Variants in ZCCHC14 observed in about 807,000 individuals in gnomAD.
ZCCHC14 encodes zinc finger CCHC-type containing 14.
A neutral mutation model predicts 85.0 loss-of-function variants in ZCCHC14; 16 were observed. The observed-to-expected ratio is 0.19, with a 90% CI of 0.13 to 0.29. The LOEUF (loss-of-function observed/expected upper bound fraction) is 0.29. Ranked by LOEUF, ZCCHC14 falls within the 10% of genes least tolerant of loss-of-function variation. The pLI is 1.00. For synonymous variants in ZCCHC14, 775 were observed against 630.7 expected (o/e 1.23, Z -3.43); for missense variants, 1,303 against 1,443.5 (o/e 0.90, Z 1.58).
At chr16:87,449,418 T>C (rs1186846699) in intron 2 of ZCCHC14, among the ~76,000 whole-genome samples, 2 of 152,034 alleles carry the variant, frequency 1.3e-5, no homozygotes, top group East Asian at 3.9e-4. Flanking sequence ...CCTGGGCTCC[T>C]AGGCCCTCCA....
At chr16:87,453,317 T>G (rs2150753171) in intron 2 of ZCCHC14, among the ~76,000 whole-genome samples, 1 of 152,308 alleles carries the variant, frequency 6.6e-6, no homozygotes, top group East Asian at 1.9e-4. Flanking sequence ...GAAAAAAATG[T>G]ATTTACAGAA....
chr16:87,429,850 G>A (rs1447896576), intron 3 of ZCCHC14, among the ~76,000 whole-genome samples: 4 of 152,162 alleles, frequency 2.6e-5, no homozygotes, highest in African/African-American at 7.2e-5. Context: ...CAGGTGATCC[G>A]TCCGCCTTGG....
intron 1 of ZCCHC14, among the ~76,000 whole-genome samples, chr16:87,482,830 A>G (rs1466082580): frequency 6.6e-6 from 1 of 152,196 alleles, no homozygotes; most frequent in Non-Finnish European, 1.5e-5. Flanking sequence ...TCAATTCCAG[A>G]TGGATCCGTT....
intron 8 of ZCCHC14, among the ~76,000 whole-genome samples, chr16:87,416,540 G>A (rs190441182): frequency 2.6e-5 from 4 of 152,036 alleles, no homozygotes; most frequent in Admixed American, 2.6e-4. Context: ...GGCAGATCAT[G>A]AGTCAGGAGT....
At chr16:87,444,497 G>C (rs1210148585) in intron 2 of ZCCHC14, among the ~76,000 whole-genome samples, 1 of 152,200 alleles carries the variant, frequency 6.6e-6, no homozygotes, top group Non-Finnish European at 1.5e-5. Flanking sequence ...TATCTAGTTA[G>C]AAAGTAATTT....
At chr16:87,486,878 C>A (rs1597457860) in intron 1 of ZCCHC14, among the ~76,000 whole-genome samples, 1 of 152,312 alleles carries the variant, frequency 6.6e-6, no homozygotes, top group South Asian at 2.1e-4. Flanking sequence ...ACAGCTATTC[C>A]TTTAACCATC....
chr16:87,483,304 CAAAAAAAAAAAAAAAAAAAAAAAA>C (rs56708958), intron 1 of ZCCHC14, among the ~76,000 whole-genome samples: 1 of 43,666 alleles, frequency 2.3e-5, no homozygotes, highest in Non-Finnish European at 4.3e-5. Flanking sequence ...CTAAAAATAC[CAAAAAAAAAAAAAAAAAAAAAAAA>C]AAAAAAAAAA....
At chr16:87,485,590 C>CAAAAAAA (rs35083614) in intron 1 of ZCCHC14, among the ~76,000 whole-genome samples, 2 of 98,654 alleles carry the variant, frequency 2.0e-5, no homozygotes, top group African/African-American at 6.3e-5. Flanking sequence ...GGCAGTTTTC[C>CAAAAAAA]AAAAAAAAAA....
intron 2 of ZCCHC14, among the ~76,000 whole-genome samples, chr16:87,454,014 G>C (rs1390281481): frequency 1.3e-5 from 2 of 152,100 alleles, no homozygotes; most frequent in African/African-American, 4.8e-5. Flanking sequence ...TACAATATCT[G>C]GTATGAAAAC....
rs1187103672 is a variant in ZCCHC14 at position 87,420,142 on chromosome 16, C to T, written c.951-265G>A. Among the ~76,000 whole-genome samples the T allele has an allele frequency of 6.6e-6, 1 of 152,186 alleles. No homozygotes were observed. Among genetic ancestry groups the T allele is most frequent in the Non-Finnish European group, 1.5e-5 (1 of 68,038 alleles). ...ATGCCCTGTGACATGAGATCAGTGC[C>T]ACCCACCAGCCAGAAAGGTGCTTGG... On this transcript the variant is annotated intron_variant, in intron 5 of 12. Coordinates refer to ENST00000671377, the MANE Select transcript of ZCCHC14 (RefSeq NM_015144.3). This position sits in a 1 kb window ranked among gnomAD's most constrained non-coding sequence, Gnocchi z 5.0.
rs1182338043 is a variant in ZCCHC14, at chr16:87,407,627, T to G, written c.*2653A>C. On this transcript the variant is annotated 3_prime_UTR_variant, in exon 13 of 13. Coordinates refer to ENST00000671377, the MANE Select transcript of ZCCHC14 (RefSeq NM_015144.3). ...AAACAGGGTTAGAAACTTTAATATC[T>G]GACAGACTACAAAGGGCAAAGACGT... 2 of 152,246 alleles carry G rather than the reference T, an allele frequency of 1.3e-5. No individual in the cohort carries two copies. Among genetic ancestry groups the G allele is most frequent in the African/African-American group, 4.8e-5 (2 of 41,466 alleles). The allele number at this position is 152,246 out of a possible 1,614,324, so 9.4% of individuals were successfully genotyped here. A position where few individuals can be genotyped will look rare whatever the true frequency, so the allele number is the denominator to read the frequency against.
chr16:87,471,123 T>G (rs1839845115), intron 1 of ZCCHC14: 1 of 152,114 alleles, frequency 6.6e-6, no homozygotes, highest in Non-Finnish European at 1.5e-5. Context: ...ACAGTAAACA[T>G]GACTATGAAA....
At chr16:87,430,336 G>A (rs978566644) in intron 3 of ZCCHC14, among the ~76,000 whole-genome samples, 2 of 152,244 alleles carry the variant, frequency 1.3e-5, no homozygotes, top group African/African-American at 4.8e-5. Context: ...CGGCCTGTGC[G>A]TGTGAGTCTG....
At chr16:87,410,423 T>C (rs1413258915) in intron 12 of ZCCHC14, 88 bp from the exon 13 acceptor site, 3 of 615,846 alleles carry the variant, frequency 4.9e-6, no homozygotes, top group African/African-American at 3.8e-5. Context: ...CCAGAGCCAC[T>C]GGGCAAGATT....
Position 87,446,270 on chromosome 16 carries a change from G to A in ZCCHC14, c.695-13069C>T, listed in dbSNP as rs553663966. 2.0e-5 allele frequency among the ~76,000 whole-genome samples: 3 copies of A among 152,206 alleles called. No homozygotes were observed. The South Asian group carries it at 6.2e-4, about 32-fold the overall frequency. ...AGACCAAGGTGGGTGGATCACTTGAGGTCAGAAATTTGAGACCAGCCTGGC... is the reference window on the plus strand; with the variant it reads ...AGACCAAGGTGGGTGGATCACTTGAAGTCAGAAATTTGAGACCAGCCTGGC... On this transcript the variant is annotated intron_variant, in intron 2 of 12. Coordinates refer to ENST00000671377, the MANE Select transcript of ZCCHC14 (RefSeq NM_015144.3).
chr16:87,468,016 C>T (rs531829026), intron 1 of ZCCHC14, among the ~76,000 whole-genome samples: 4 of 152,252 alleles, frequency 2.6e-5, no homozygotes, highest in South Asian at 4.1e-4. Flanking sequence ...GGATTACAAG[C>T]GTGAGCCACC....
chr16:87,431,796 C>G (rs1003977509), intron 3 of ZCCHC14, among the ~76,000 whole-genome samples: 2 of 152,156 alleles, frequency 1.3e-5, no homozygotes, highest in Admixed American at 1.3e-4. Context: ...TACCTAGGAT[C>G]ACTGGGACCG....
intron 1 of ZCCHC14, among the ~76,000 whole-genome samples, chr16:87,483,672 C>A (rs112689169): frequency 1.3e-5 from 2 of 152,288 alleles, no homozygotes; most frequent in African/African-American, 4.8e-5. Context: ...ATGGCCGCAA[C>A]CAGCAAGTGC....
chr16:87,437,336 TC>T (rs1909974631), intron 2 of ZCCHC14, among the ~76,000 whole-genome samples: 2 of 21,006 alleles, frequency 9.5e-5, no homozygotes, highest in East Asian at 2.8e-3. Context: ...AAATTCCATC[TC>T]AAAAAAAAAA....
Sources: allele counts gnomAD v4.1 joint callset (sites outside exome capture counted in the v4.1 genomes callset), GRCh38; gene constraint gnomAD v4.1.1; non-coding constraint Gnocchi (gnomAD v3.1); transcripts MANE v1.5; gene names NCBI Gene and HGNC (gene_info 2026-07-23, HGNC 2026-07-21).